Variants in NFASC observed in about 807,000 individuals in gnomAD.
NFASC encodes neurofascin homolog.
Under a neutral mutation model 147.5 loss-of-function variants are expected in NFASC, and 43 were observed. That is an observed-to-expected ratio of 0.29 (90% CI 0.23 to 0.38). NFASC has a LOEUF of 0.38. Ranked by LOEUF, NFASC falls within the 10% of genes least tolerant of loss-of-function variation. The probability of loss-of-function intolerance (pLI) is 1.00; values close to 1 mark genes in which losing one functional copy is unlikely to be tolerated. For synonymous variants in NFASC, 622 were observed against 665.5 expected (o/e 0.93, Z 1.01); for missense variants, 1,320 against 1,689.0 (o/e 0.78, Z 3.83).
intron 29 of NFASC, among the ~76,000 whole-genome samples, chr1:205,013,826 G>T (rs1192998743): frequency 6.6e-6 from 1 of 152,128 alleles, no homozygotes; most frequent in African/African-American, 2.4e-5. Flanking sequence ...TTCCTGTCCT[G>T]GGCCTCTGCC....
At chr1:204,971,748 T>C (rs1035502519) in intron 11 of NFASC, among the ~76,000 whole-genome samples, 1 of 152,196 alleles carries the variant, frequency 6.6e-6, no homozygotes, top group Non-Finnish European at 1.5e-5. Flanking sequence ...GCAATACAAC[T>C]GCACCAGCTA....
chr1:204,846,261 A>T (rs1417935033), intron 1 of NFASC, among the ~76,000 whole-genome samples: 3 of 152,124 alleles, frequency 2.0e-5, no homozygotes, highest in African/African-American at 7.2e-5. Context: ...TTAGTCAACA[A>T]AACAGGTAGA....
chr1:205,016,448 A>G lies in NFASC; in HGVS notation c.3632A>G (p.Gln1211Arg). 1.2e-6 allele frequency: 2 copies of G among 1,614,158 alleles called. No homozygotes were observed. Among genetic ancestry groups the G allele is most frequent in the Non-Finnish European group, 1.7e-6 (2 of 1,180,016 alleles). The change falls in exon 30 of 30, where the codon CAG becomes CGG. Residue 1211 changes from glutamine (Q) to arginine (R), a missense_variant. This residue lies in a region of NFASC where 167 missense variants were observed against 233.8 expected (regional missense o/e 0.71). Transcript: ENST00000339876. This position sits in a 1 kb window ranked among gnomAD's most constrained non-coding sequence, Gnocchi z 5.1. Reference protein sequence around the residue: ...QFNEDGSFIGQYTVKKDKEET... With the variant: ...QFNEDGSFIGRYTVKKDKEET... ...AATGAAGACGGCTCCTTCATCGGCC[A>G]GTACACGGTCAAAAAGGACAAGGAG...
At chr1:204,840,507 A>G (rs530753256) in intron 1 of NFASC, among the ~76,000 whole-genome samples, 1 of 152,346 alleles carries the variant, frequency 6.6e-6, no homozygotes, top group Admixed American at 6.5e-5. Flanking sequence ...AGAATGTCTT[A>G]CAGCATATTA....
intron 1 of NFASC, among the ~76,000 whole-genome samples, chr1:204,832,732 GAC>G (rs1672603813): frequency 6.6e-6 from 1 of 152,210 alleles, no homozygotes; most frequent in South Asian, 2.1e-4. Context: ...TCAAATTGGA[GAC>G]ACAGAAATGA....
At chr1:204,991,223 C>T (rs993904796) in intron 23 of NFASC, 69 bp from the exon 24 acceptor site, 1 of 1,550,922 alleles carries the variant, frequency 6.4e-7, no homozygotes, top group Non-Finnish European at 8.8e-7. Flanking sequence ...CTCACTTGTG[C>T]TCTGTTTTCT....
chr1:204,841,006 A>T (rs987929448), intron 1 of NFASC, among the ~76,000 whole-genome samples: 2 of 152,250 alleles, frequency 1.3e-5, no homozygotes, highest in Non-Finnish European at 2.9e-5. Context: ...AAATGATTGT[A>T]TAAGAATTCA....
In NFASC at chr1:205,006,523, G is replaced by A. The variant is rs141761356; in HGVS notation, c.3290-3034G>A. Among the ~76,000 whole-genome samples the A allele has an allele frequency of 2.0e-4, 30 of 152,278 alleles. 1 individual carries two copies. In the East Asian group the frequency reaches 4.8e-3, roughly 25 times the overall value. On this transcript the variant is annotated intron_variant, in intron 27 of 29. Transcript: ENST00000339876. The stretch of plus-strand genomic sequence containing the variant: ...AGCCTGGGCTTTCTTGGGCAGGAGG[G>A]GCAGGATGCACGGAAAGGAGACTGG...
At chr1:204,937,993 G>A (rs964030188) in intron 2 of NFASC, among the ~76,000 whole-genome samples, 16 of 152,170 alleles carry the variant, frequency 1.1e-4, no homozygotes, top group Admixed American at 8.5e-4. Context: ...TCCAGGAGAC[G>A]AAGAGCTGCC....
intron 1 of NFASC, among the ~76,000 whole-genome samples, chr1:204,871,560 T>G (rs1483013814): frequency 6.6e-6 from 1 of 152,224 alleles, no homozygotes; most frequent in Non-Finnish European, 1.5e-5. Flanking sequence ...TTTGGCCATT[T>G]GCTCTGGGCT....
chr1:204,857,619 GT>G (rs2076270502), intron 1 of NFASC, among the ~76,000 whole-genome samples: 1 of 152,194 alleles, frequency 6.6e-6, no homozygotes, highest in Non-Finnish European at 1.5e-5. Flanking sequence ...CTGCTGGGAT[GT>G]TTTCAGTCCT....
intron 2 of NFASC, among the ~76,000 whole-genome samples, chr1:204,941,340 T>C (rs1381603531): frequency 6.6e-6 from 1 of 152,288 alleles, no homozygotes; most frequent in African/African-American, 2.4e-5. Context: ...ATCTTGAGAT[T>C]CTTTTTCCAC....
chr1:204,938,289 A>G (rs931679482), intron 2 of NFASC, among the ~76,000 whole-genome samples: 1 of 152,184 alleles, frequency 6.6e-6, no homozygotes, highest in Non-Finnish European at 1.5e-5. Flanking sequence ...CTTACTACTC[A>G]TATTGGTCAT....
chr1:204,952,093 A>T lies in NFASC; in HGVS notation c.192A>T (p.Glu64Asp), dbSNP rs777450539. The stretch of plus-strand genomic sequence containing the variant: ...GTGATAACATCCTGATTGAGTGTGA[A>T]GCAAAAGGGAACCCTGCCCCCAGGT... ...DPRDNILIEC[E>D]AKGNPAPSFH... The change falls in exon 5 of 30, where the codon GAA becomes GAT. Residue 64 changes from glutamate to aspartate, a missense_variant. Physicochemically the swap from Glu to Asp is conservative, Grantham distance 45. This residue lies in a region of NFASC where 981 missense variants were observed against 1,289.5 expected (regional missense o/e 0.76). Coordinates refer to ENST00000339876, the MANE Select transcript of NFASC (RefSeq NM_001005388.3). 6.2e-7 allele frequency: 1 copy of T among 1,614,030 alleles called. No individual in the cohort carries two copies. Among genetic ancestry groups the T allele is most frequent in the South Asian group, 1.1e-5 (1 of 91,070 alleles).
chr1:204,932,102 G>A (rs2092413078), intron 2 of NFASC, among the ~76,000 whole-genome samples: 1 of 152,042 alleles, frequency 6.6e-6, no homozygotes, highest in Non-Finnish European at 1.5e-5. Flanking sequence ...CCCCAGACCA[G>A]CCCCTGAGAG....
intron 4 of NFASC, 126 bp downstream of exon 4, chr1:204,950,700 T>C (rs2149930857): frequency 2.4e-6 from 2 of 839,782 alleles, no homozygotes; most frequent in Non-Finnish European, 2.0e-6. Flanking sequence ...CAGAGCCCTG[T>C]AGTGAGGTAT....
intron 2 of NFASC, among the ~76,000 whole-genome samples, chr1:204,930,171 C>G (rs2092229098): frequency 6.6e-6 from 1 of 152,106 alleles, no homozygotes; most frequent in Non-Finnish European, 1.5e-5. Flanking sequence ...GTGTCTGAAT[C>G]CCTCAATTCT....
rs533186023 is a variant in NFASC at position 205,020,946 on chromosome 1, C to T, written c.*4407C>T. 93 of 152,376 alleles carry T rather than the reference C, an allele frequency of 6.1e-4. No homozygotes were observed. The highest frequency in any genetic ancestry group is 8.4e-4 in the Non-Finnish European group (57 of 68,076). 9.4% of individuals were successfully genotyped at this position (152,376 alleles called of 1,614,324 possible). A position where few individuals can be genotyped will look rare whatever the true frequency, so the allele number is the denominator to read the frequency against. On this transcript the variant is annotated 3_prime_UTR_variant, in exon 30 of 30. Transcript: ENST00000339876. ...CCCATGGTTGCGGTTGCATCTACAC[C>T]GTTAGTTGGCAAAGGATCCTGCTTG...
chr1:204,945,238 C>A (rs2093642750), intron 3 of NFASC, among the ~76,000 whole-genome samples: 1 of 152,186 alleles, frequency 6.6e-6, no homozygotes, highest in African/African-American at 2.4e-5. Flanking sequence ...ACACTTCTGG[C>A]AAAATGTCTT....
Sources: allele counts gnomAD v4.1 joint callset (sites outside exome capture counted in the v4.1 genomes callset), GRCh38; gene constraint gnomAD v4.1.1; regional missense constraint gnomAD v4.1.1; non-coding constraint Gnocchi (gnomAD v3.1); transcripts MANE v1.5; gene names NCBI Gene and HGNC (gene_info 2026-07-23, HGNC 2026-07-21).